The following NXPE3 variants were observed in gnomAD, a reference collection of about 807,000 sequenced individuals.
NXPE3 encodes NXPE family member 3.
In NXPE3, 26 loss-of-function variants were observed where a neutral mutation model predicts 46.1. The observed-to-expected ratio is 0.56, with a 90% CI of 0.41 to 0.78. The LOEUF (loss-of-function observed/expected upper bound fraction) is 0.78. NXPE3 is among the 30% of genes least tolerant of loss of function. NXPE3 has a pLI of 0.00. For missense variants in NXPE3, 620 were observed against 686.0 expected (o/e 0.90, Z 1.07); for synonymous variants, 272 against 257.9 (o/e 1.05, Z -0.52).
In NXPE3 at chr3:101,816,977, G is replaced by C. The variant is rs758301789; in HGVS notation, c.1105G>C (p.Glu369Gln). The change falls in exon 7 of 8, where the codon GAA becomes CAA. Residue 369 changes from glutamate (E) to glutamine (Q), a missense_variant. Physicochemically the swap from Glu to Gln is conservative, Grantham distance 29. Transcript: ENST00000273347. The stretch of plus-strand genomic sequence containing the variant: ...TGACTCAACAATCAGGCAATGGTTT[G>C]AATACCTTACTACATTTGTTCCAGG... ...FGDSTIRQWF[E>Q]YLTTFVPDLV... The C allele has an allele frequency of 3.7e-6, 6 of 1,614,106 alleles. No homozygotes were observed. In the South Asian group the frequency reaches 6.6e-5, roughly 18 times the overall value.
At chr3:101,783,363 G>A (rs981608102) in intron 3 of NXPE3, among the ~76,000 whole-genome samples, 1 of 152,144 alleles carries the variant, frequency 6.6e-6, no homozygotes, top group Non-Finnish European at 1.5e-5. Flanking sequence ...ACCTGGCCTG[G>A]TATATATCTT....
At chr3:101,802,418 G>GGTTGCAGTGAGCTGTGATCAC (rs1941215318) in intron 5 of NXPE3, among the ~76,000 whole-genome samples, 9 of 151,840 alleles carry the variant, frequency 5.9e-5, no homozygotes, top group African/African-American at 1.9e-4. Flanking sequence ...AGGAGTTTGA[G>GGTTGCAGTGAGCTGTGATCAC]ACCAGCCTGG....
At chr3:101,813,576 C>T (rs1412013667) in intron 6 of NXPE3, among the ~76,000 whole-genome samples, 1 of 150,390 alleles carries the variant, frequency 6.6e-6, no homozygotes, top group Non-Finnish European at 1.5e-5. Flanking sequence ...GATGCAGGGA[C>T]ATTACTTTCA....
At chr3:101,811,413 C>G (rs1941700678) in intron 6 of NXPE3, among the ~76,000 whole-genome samples, 1 of 152,178 alleles carries the variant, frequency 6.6e-6, no homozygotes, top group South Asian at 2.1e-4. Context: ...CACACTATTA[C>G]AGTATTGAAT....
At chr3:101,798,995 G>C (rs147181582) in intron 4 of NXPE3, among the ~76,000 whole-genome samples, 1 of 152,192 alleles carries the variant, frequency 6.6e-6, no homozygotes, top group African/African-American at 2.4e-5. Context: ...GAGTTCCATG[G>C]TGTGATCATA....
intron 4 of NXPE3, among the ~76,000 whole-genome samples, chr3:101,798,171 G>A (rs1330204471): frequency 6.6e-6 from 1 of 151,322 alleles, no homozygotes; most frequent in Non-Finnish European, 1.5e-5. Flanking sequence ...TTCTCTGATG[G>A]CCAGTGATGA....
intron 6 of NXPE3, among the ~76,000 whole-genome samples, chr3:101,813,205 G>T (rs1269679519): frequency 6.6e-6 from 1 of 152,110 alleles, no homozygotes; most frequent in Admixed American, 6.5e-5. Flanking sequence ...GCAGGGAATT[G>T]GTTGATCCCA....
chr3:101,792,911 C>A (rs1187606206), intron 4 of NXPE3, among the ~76,000 whole-genome samples: 1 of 152,102 alleles, frequency 6.6e-6, no homozygotes, highest in African/African-American at 2.4e-5. Flanking sequence ...GAATGTTCTT[C>A]CATTTGTTTG....
chr3:101,821,339 G>A, intron 7 of NXPE3, 65 bp from the exon 8 acceptor site: 1 of 1,401,360 alleles, frequency 7.1e-7, no homozygotes, highest in African/African-American at 1.4e-5. Context: ...CACTTAATAA[G>A]GTATAATCAA....
chr3:101,818,609 G>C (rs1365597009), intron 7 of NXPE3, among the ~76,000 whole-genome samples: 1 of 150,468 alleles, frequency 6.6e-6, no homozygotes, highest in African/African-American at 2.4e-5. Context: ...GTTAAAATGG[G>C]GCTAAATGCT....
intron 6 of NXPE3, among the ~76,000 whole-genome samples, chr3:101,809,673 GGA>G (rs1941623002): frequency 6.6e-6 from 1 of 151,418 alleles, no homozygotes; most frequent in Admixed American, 6.6e-5. Flanking sequence ...TTCATTCCTT[GGA>G]ATGAAGGAAA....
At chr3:101,807,183 C>T in intron 6 of NXPE3, 57 bp downstream of exon 6, 7 of 1,323,388 alleles carry the variant, frequency 5.3e-6, no homozygotes, top group Non-Finnish European at 7.6e-6. Flanking sequence ...TGGGTTGAGG[C>T]TCTGTCGTTT....
At chr3:101,803,152 A>T (rs950370769) in intron 5 of NXPE3, among the ~76,000 whole-genome samples, 1 of 152,174 alleles carries the variant, frequency 6.6e-6, no homozygotes, top group Non-Finnish European at 1.5e-5. Flanking sequence ...GATAAAAGGG[A>T]GGTATTTTTG....
chr3:101,798,773 C>T (rs1940983622), intron 4 of NXPE3, among the ~76,000 whole-genome samples: 1 of 151,640 alleles, frequency 6.6e-6, no homozygotes, highest in Non-Finnish European at 1.5e-5. Context: ...CCACCACACC[C>T]AGCTAAATTT....
chr3:101,801,586 C>G lies in NXPE3; in HGVS notation c.445C>G (p.His149Asp), dbSNP rs371091835. 29 of 1,614,104 alleles carry G rather than the reference C, an allele frequency of 1.8e-5. No homozygotes were observed. Among genetic ancestry groups the G allele is most frequent in the Non-Finnish European group, 2.5e-5 (29 of 1,180,050 alleles). The change falls in exon 5 of 8, where the codon CAC becomes GAC. Residue 149 changes from histidine to aspartate, a missense_variant. Around this residue, in one of 3 missense-constraint regions of NXPE3, gnomAD observed 511 missense variants for 528.6 expected, o/e 0.97. Coordinates refer to ENST00000273347, the MANE Select transcript of NXPE3 (RefSeq NM_145037.4). ...YGGDYLQARI[H>D]SLKLQAGAVG... ...TGGAGACTACCTGCAGGCCAGAATT[C>G]ACTCCCTCAAGCTGCAGGCTGGGGC...
At chr3:101,797,002 A>G (rs769877396) in intron 4 of NXPE3, among the ~76,000 whole-genome samples, 7 of 152,124 alleles carry the variant, frequency 4.6e-5, no homozygotes, top group Non-Finnish European at 8.8e-5. Flanking sequence ...ATAACGTAAG[A>G]TGTAGTTTTC....
chr3:101,782,287 AAAG>A lies in NXPE3; in HGVS notation c.-319_-317del, dbSNP rs1939869386. The A allele has an allele frequency of 6.6e-6, 1 of 152,208 alleles. No individual in the cohort carries two copies. The highest frequency in any genetic ancestry group is 6.5e-5 in the Admixed American group (1 of 15,288). The allele number at this position is 152,208 out of a possible 1,614,324, so 9.4% of individuals were successfully genotyped here. On this transcript the variant is annotated splice_region_variant and 5_prime_UTR_variant, in exon 2 of 8. Coordinates refer to ENST00000273347, the MANE Select transcript of NXPE3 (RefSeq NM_145037.4). The stretch of plus-strand genomic sequence containing the variant: ...CATCTCTTCTTGGAAAATTTCCAAA[AAAG>A]GTAAATTACATTGAATTATATATTT...
chr3:101,806,977 C>A, intron 5 of NXPE3, 76 bp from the exon 6 acceptor site: 1 of 966,504 alleles, frequency 1.0e-6, no homozygotes, highest in Non-Finnish European at 1.7e-6. Flanking sequence ...GTCATTTTAT[C>A]ATTTGCCAAT....
intron 6 of NXPE3, among the ~76,000 whole-genome samples, chr3:101,813,964 C>T (rs1941846248): frequency 6.6e-6 from 1 of 152,122 alleles, no homozygotes; most frequent in South Asian, 2.1e-4. Flanking sequence ...ATTTTTTTCT[C>T]ATGTAGCATG....
Sources: allele counts gnomAD v4.1 joint callset (sites outside exome capture counted in the v4.1 genomes callset), GRCh38; gene constraint gnomAD v4.1.1; regional missense constraint gnomAD v4.1.1; transcripts MANE v1.5; gene names NCBI Gene and HGNC (gene_info 2026-07-23, HGNC 2026-07-21).